Variants in TTC17 observed in about 807,000 individuals in gnomAD.
TTC17 encodes the protein tetratricopeptide repeat domain 17, also known as tetratricopeptide repeat protein 17.
TTC17 carries 58 observed loss-of-function variants against 143.8 expected under a neutral mutation model. The ratio of observed to expected loss-of-function variants is 0.40; its 90% CI spans 0.33 to 0.50. The LOEUF (loss-of-function observed/expected upper bound fraction) is 0.50, where lower values mean the gene tolerates loss of function less well. Among genes scored for constraint, TTC17 ranks in the 20% least tolerant of loss-of-function variants. The pLI is 0.49. For synonymous variants in TTC17, 501 were observed against 497.8 expected (o/e 1.01, Z -0.09); for missense variants, 1,273 against 1,392.5 (o/e 0.91, Z 1.37).
intron 21 of TTC17, among the ~76,000 whole-genome samples, chr11:43,486,812 G>A (rs1453689970): frequency 6.6e-6 from 1 of 152,120 alleles, no homozygotes; most frequent in East Asian, 1.9e-4. Flanking sequence ...GAGGCAGGAG[G>A]ATCACTTTAG....
chr11:43,470,703 G>GA (rs1263511560), intron 21 of TTC17, among the ~76,000 whole-genome samples: 2 of 152,182 alleles, frequency 1.3e-5, no homozygotes, highest in East Asian at 3.9e-4. Flanking sequence ...GGGTAGATAG[G>GA]AATTACCTGG....
Position 43,397,568 on chromosome 11 carries a change from G to A in TTC17, c.918+77G>A, listed in dbSNP as rs1857652839. The A allele has an allele frequency of 9.5e-6, 13 of 1,372,956 alleles. No homozygotes were observed. The South Asian group carries it at 1.9e-4, about 20-fold the overall frequency. The allele number at this position is 1,372,956 out of a possible 1,614,324, so 85.0% of individuals were successfully genotyped here. A position where few individuals can be genotyped will look rare whatever the true frequency, so the allele number is the denominator to read the frequency against. On this transcript the variant is annotated intron_variant, in intron 7 of 23. Transcript: ENST00000039989. Reference sequence around the variant, plus strand: ...TTTTTTTTTTTCTCCCCCCTCAGTAGAATGTTACTTTTTTCCATTCCTTTT... The same window carrying A: ...TTTTTTTTTTTCTCCCCCCTCAGTAAAATGTTACTTTTTTCCATTCCTTTT...
At chr11:43,490,046 ATAG>A (rs1948446010) in intron 21 of TTC17, 190 bp from the exon 22 acceptor site, 1 of 580,262 alleles carries the variant, frequency 1.7e-6, no homozygotes, top group East Asian at 3.4e-5. Context: ...AAGGGCTGTA[ATAG>A]TAGTATCAAG....
At chr11:43,464,492 TA>T (rs1014361790) in intron 21 of TTC17, among the ~76,000 whole-genome samples, 5 of 152,224 alleles carry the variant, frequency 3.3e-5, no homozygotes, top group South Asian at 4.1e-4. Context: ...TAACTTTTTT[TA>T]AAAAAACTTG....
At chr11:43,410,631 T>C (rs1049314744) in intron 15 of TTC17, among the ~76,000 whole-genome samples, 1 of 152,200 alleles carries the variant, frequency 6.6e-6, no homozygotes, top group African/African-American at 2.4e-5. Context: ...GAATTACCCG[T>C]CACCTTTGCC....
At chr11:43,451,751 G>A (rs1200647890) in intron 21 of TTC17, among the ~76,000 whole-genome samples, 1 of 152,114 alleles carries the variant, frequency 6.6e-6, no homozygotes, top group Non-Finnish European at 1.5e-5. Context: ...CTTCCTCTGT[G>A]TGATATTTGT....
chr11:43,456,296 CTCTA>C (rs1403241969), intron 21 of TTC17, among the ~76,000 whole-genome samples: 1 of 152,044 alleles, frequency 6.6e-6, no homozygotes, highest in Non-Finnish European at 1.5e-5. Context: ...AGAATGTCCA[CTCTA>C]TCTACTACTA....
intron 21 of TTC17, among the ~76,000 whole-genome samples, chr11:43,488,116 G>A (rs1384058140): frequency 6.6e-6 from 1 of 152,142 alleles, no homozygotes; most frequent in Non-Finnish European, 1.5e-5. Flanking sequence ...CGTTCTTGAG[G>A]AAACTATTAG....
chr11:43,450,273 T>C lies in TTC17; in HGVS notation c.2946+32T>C, dbSNP rs778562796. On this transcript the variant is annotated intron_variant, in intron 20 of 23. Transcript: ENST00000039989. Reference sequence around the variant, plus strand: ...GCTCGGCTTTGTTCAGGCTGTTTTTTAGCCTCACAGTTAGGATGCACATTG... The same window carrying C: ...GCTCGGCTTTGTTCAGGCTGTTTTTCAGCCTCACAGTTAGGATGCACATTG... 6 of 1,597,258 alleles carry C rather than the reference T, an allele frequency of 3.8e-6. No individual in the cohort carries two copies. The South Asian group carries it at 4.5e-5, about 12-fold the overall frequency.
At chr11:43,449,118 C>G (rs1343325962) in intron 19 of TTC17, 2 of 152,354 alleles carry the variant, frequency 1.3e-5, no homozygotes, top group African/African-American at 4.8e-5. Flanking sequence ...TGCCTCTGTT[C>G]AATCTATTCT....
Position 43,389,705 on chromosome 11 carries a change from A to C in TTC17, c.303A>C (p.Thr101=). The C allele has an allele frequency of 6.2e-7, 1 of 1,613,636 alleles. No individual in the cohort carries two copies. The highest frequency in any genetic ancestry group is 1.7e-4 in the Middle Eastern group (1 of 6,058). The part of the protein sequence containing the change: ...IHIEENEDRD[T]GLEQRHNKED... ...TAGAAGAGAATGAGGACAGAGACACAGGACTGGAACAGAGACATAATAAAG... is the reference window on the plus strand; with the variant it reads ...TAGAAGAGAATGAGGACAGAGACACCGGACTGGAACAGAGACATAATAAAG... The change falls in exon 3 of 24, where the codon ACA becomes ACC. Residue 101 remains threonine, a synonymous_variant. Transcript: ENST00000039989.
At chr11:43,399,549 TC>T (rs1857759394) in intron 8 of TTC17, among the ~76,000 whole-genome samples, 1 of 151,960 alleles carries the variant, frequency 6.6e-6, no homozygotes, top group African/African-American at 2.4e-5. Context: ...GTGCCTGTAG[TC>T]CCAGATACTC....
intron 15 of TTC17, among the ~76,000 whole-genome samples, chr11:43,410,692 A>G (rs773677314): frequency 1.3e-5 from 2 of 152,168 alleles, no homozygotes; most frequent in Non-Finnish European, 2.9e-5. Context: ...TTCCACTTAG[A>G]TGTCTAAAGG....
chr11:43,429,260 A>G (rs999961397), intron 16 of TTC17, among the ~76,000 whole-genome samples: 20 of 152,232 alleles, frequency 1.3e-4, no homozygotes, highest in African/African-American at 4.8e-4. Flanking sequence ...TCCTAGACAC[A>G]GAAATGTAAA....
chr11:43,373,118 T>C (rs1329855198), intron 1 of TTC17, among the ~76,000 whole-genome samples: 4 of 152,178 alleles, frequency 2.6e-5, no homozygotes, highest in African/African-American at 9.7e-5. Context: ...TTTTATTTTC[T>C]CCTTCATATT....
At chr11:43,422,103 A>G (rs1224569883) in intron 16 of TTC17, among the ~76,000 whole-genome samples, 1 of 152,176 alleles carries the variant, frequency 6.6e-6, no homozygotes, top group Non-Finnish European at 1.5e-5. Flanking sequence ...GACAGGGAGA[A>G]AGTGAGAAAT....
chr11:43,391,997 G>A, intron 5 of TTC17, 45 bp downstream of exon 5: 1 of 1,558,662 alleles, frequency 6.4e-7, no homozygotes, highest in Non-Finnish European at 8.6e-7. Context: ...GAGCCAGCGG[G>A]CTCTGTGTAA....
chr11:43,377,068 C>T (rs926392961), intron 1 of TTC17, among the ~76,000 whole-genome samples: 3 of 151,936 alleles, frequency 2.0e-5, no homozygotes, highest in Non-Finnish European at 2.9e-5. Context: ...CCGAGGCGGG[C>T]GAATCACGAG....
rs946317864 is a variant in TTC17 at position 43,397,966 on chromosome 11, C to A, written c.919-8C>A. On this transcript the variant is annotated splice_polypyrimidine_tract_variant and splice_region_variant and intron_variant, in intron 7 of 23. Transcript: ENST00000039989. ...TGTGTGTGTGTATGTTTGTTTTTGT[C>A]TCTTCAGATGCTTGGGGAATATAAC... 2 of 1,602,552 alleles carry A rather than the reference C, an allele frequency of 1.2e-6. No individual in the cohort carries two copies. Among genetic ancestry groups the A allele is most frequent in the Non-Finnish European group, 1.7e-6 (2 of 1,175,058 alleles).
Sources: gnomAD v4.1 joint callset for allele counts (sites outside exome capture counted in the v4.1 genomes callset) on GRCh38, gnomAD v4.1.1 for gene constraint, MANE v1.5 for transcripts, NCBI Gene and HGNC (gene_info 2026-07-23, HGNC 2026-07-21) for gene names.